The following NSUN6 variants were observed in gnomAD, a reference collection of about 807,000 sequenced individuals.
NSUN6 encodes tRNA (cytosine(72)-C(5))-methyltransferase NSUN6.
Under a neutral mutation model 58.0 loss-of-function variants are expected in NSUN6, and 64 were observed. That is an observed-to-expected ratio of 1.10 (90% CI 0.90 to 1.36). The LOEUF (loss-of-function observed/expected upper bound fraction) is 1.36. NSUN6 is among the 40% of genes most tolerant of loss of function. The pLI is 0.00. For missense variants in NSUN6, 701 were observed against 550.1 expected, an observed-to-expected ratio of 1.27 and a Z score of -2.74; for synonymous variants, 231 against 193.9, an observed-to-expected ratio of 1.19 and a Z score of -1.59.
intron 6 of NSUN6, among the ~76,000 whole-genome samples, chr10:18,600,959 T>TATATATATATACAC: frequency 1.1e-4 from 7 of 64,958 alleles, no homozygotes; most frequent in African/African-American, 1.6e-4. Context: ...TATATATATA[T>TATATATATATACAC]ACATATATAT....
Position 18,642,555 on chromosome 10 carries a change from G to A in NSUN6, c.232C>T (p.Gln78Ter). Reference protein sequence around the residue: ...KNLLLDELQKQFNGLSVPILQ... With the variant: ...KNLLLDELQK ...ATAGGAACACTTAATCCATTAAACT[G>A]CTGTTAAAGATAAACATGATTATAA... Residue 78 changes from glutamine (Q) to a stop codon, truncating the protein, a stop_gained and splice_region_variant, in exon 3 of 11, where the codon CAG becomes TAG. Transcript: ENST00000377304. LOFTEE classifies it high-confidence loss of function. 1 of 1,418,864 alleles carries A rather than the reference G, an allele frequency of 7.0e-7. No individual in the cohort carries two copies. The allele number at this position is 1,418,864 out of a possible 1,614,324, so 87.9% of individuals were successfully genotyped here.
At chr10:18,586,282 T>C (rs1281435366) in intron 7 of NSUN6, among the ~76,000 whole-genome samples, 189 bp from the exon 8 acceptor site, 1 of 152,202 alleles carries the variant, frequency 6.6e-6, no homozygotes, top group African/African-American at 2.4e-5. Flanking sequence ...GGTGGGTTCT[T>C]GGTCTCGCTG....
chr10:18,569,424 T>C (rs1467277985), intron 8 of NSUN6, among the ~76,000 whole-genome samples: 2 of 151,112 alleles, frequency 1.3e-5, no homozygotes, highest in African/African-American at 2.4e-5. Context: ...GCCCATTCCA[T>C]TCTCAATTCC....
chr10:18,653,709 C>A (rs2059746382), upstream of NSUN6, among the ~76,000 whole-genome samples: 1 of 152,148 alleles, frequency 6.6e-6, no homozygotes, highest in Non-Finnish European at 1.5e-5. Context: ...ATAGTAATGA[C>A]AGTTAATGTT....
chr10:18,633,852 A>G (rs1465864467), intron 3 of NSUN6, among the ~76,000 whole-genome samples: 2 of 152,202 alleles, frequency 1.3e-5, no homozygotes, highest in African/African-American at 4.8e-5. Flanking sequence ...AGCACAAATT[A>G]AACAAATAAG....
intron 8 of NSUN6, among the ~76,000 whole-genome samples, chr10:18,559,022 G>A (rs181166929): frequency 2.7e-5 from 4 of 150,010 alleles, no homozygotes; most frequent in Non-Finnish European, 6.0e-5. Context: ...GAAATGCAAT[G>A]GTGAATAGAA....
chr10:18,577,592 G>C (rs2056713610), intron 8 of NSUN6, among the ~76,000 whole-genome samples: 1 of 152,124 alleles, frequency 6.6e-6, no homozygotes. Context: ...ACTAAGCCAA[G>C]ACATGTTAAA....
At chr10:18,634,222 C>T (rs1041733776) in intron 3 of NSUN6, among the ~76,000 whole-genome samples, 35 of 152,014 alleles carry the variant, frequency 2.3e-4, no homozygotes, top group African/African-American at 8.5e-4. Context: ...AAAGGAAAAA[C>T]CTCATAAAAG....
At chr10:18,564,428 T>C (rs2055771407) in intron 8 of NSUN6, among the ~76,000 whole-genome samples, 1 of 151,482 alleles carries the variant, frequency 6.6e-6, no homozygotes, top group African/African-American at 2.4e-5. Flanking sequence ...CTCCGTTCCA[T>C]TCCATTCCAC....
chr10:18,625,720 TAAAAAAAAAA>T (rs71402188), intron 3 of NSUN6, among the ~76,000 whole-genome samples: 21 of 53,808 alleles, frequency 3.9e-4, no homozygotes, highest in East Asian at 9.6e-4. Flanking sequence ...GTTTTTTTTT[TAAAAAAAAAA>T]AAAAAAAAAA....
At chr10:18,562,512 GAGAATGGAAT>G (rs988645750) in intron 8 of NSUN6, among the ~76,000 whole-genome samples, 3 of 150,496 alleles carry the variant, frequency 2.0e-5, no homozygotes, top group African/African-American at 7.3e-5. Context: ...AAGAAGAATG[GAGAATGGAAT>G]AGAATGGAAT....
At chr10:18,576,904 A>G (rs2056677609) in intron 8 of NSUN6, among the ~76,000 whole-genome samples, 1 of 152,178 alleles carries the variant, frequency 6.6e-6, no homozygotes, top group Non-Finnish European at 1.5e-5. Context: ...AAAAAATAGG[A>G]CATTGTAAGC....
chr10:18,644,497 A>T (rs543937413), intron 2 of NSUN6, among the ~76,000 whole-genome samples: 1 of 80,040 alleles, frequency 1.2e-5, no homozygotes, highest in African/African-American at 5.2e-5. Context: ...GTATTAAGGT[A>T]TGTCTTTTTT....
At chr10:18,650,966 G>A (rs974319438) in intron 1 of NSUN6, among the ~76,000 whole-genome samples, 163 bp downstream of exon 1, 2 of 152,124 alleles carry the variant, frequency 1.3e-5, no homozygotes. Flanking sequence ...ATCTCAGTAA[G>A]CTTTAATACC....
At chr10:18,636,374 A>T (rs1245694036) in intron 3 of NSUN6, among the ~76,000 whole-genome samples, 2 of 151,872 alleles carry the variant, frequency 1.3e-5, no homozygotes, top group African/African-American at 2.4e-5. Flanking sequence ...AAAAAAAAAA[A>T]AACTGGCCGG....
intron 3 of NSUN6, among the ~76,000 whole-genome samples, chr10:18,629,679 G>A (rs1253810585): frequency 1.3e-5 from 2 of 151,560 alleles, no homozygotes; most frequent in Admixed American, 1.3e-4. Context: ...AATGGTAAAG[G>A]GATCAATTCA....
upstream of NSUN6, chr10:18,651,653 G>C: frequency 4.1e-6 from 4 of 985,936 alleles, no homozygotes; most frequent in Non-Finnish European, 4.8e-6. Flanking sequence ...CACGTCCGGC[G>C]CCTGCGGCCC....
At chr10:18,596,158 G>C in intron 7 of NSUN6, 50 bp downstream of exon 7, 1 of 1,503,136 alleles carries the variant, frequency 6.7e-7, no homozygotes, top group Non-Finnish European at 9.2e-7. Context: ...ATTACACATT[G>C]TGAAATATAC....
Position 18,651,557 on chromosome 10 carries a change from ACAG to A in NSUN6, c.-357_-355del. 9.9e-7 allele frequency: 1 copy of A among 1,005,430 alleles called. No individual in the cohort carries two copies. The highest frequency in any genetic ancestry group is 1.2e-6 in the Non-Finnish European group (1 of 843,264). 62.3% of individuals were successfully genotyped at this position (1,005,430 alleles called of 1,614,324 possible). On this transcript the variant is annotated 5_prime_UTR_variant, in exon 1 of 11. Transcript: ENST00000377304. ...GGACGCAGATCAGTAAGCCAGGCTG[ACAG>A]CAGCTCGGTCCCTTTATCTTTTCTA...
Sources: allele counts gnomAD v4.1 joint callset (sites outside exome capture counted in the v4.1 genomes callset), GRCh38; gene constraint gnomAD v4.1.1; transcripts MANE v1.5; gene names NCBI Gene and HGNC (gene_info 2026-07-23, HGNC 2026-07-21).